The following ADGRL2 variants were observed in gnomAD, a reference collection of about 807,000 sequenced individuals.
ADGRL2 encodes calcium-independent alpha-latrotoxin receptor 2.
In ADGRL2, 44 loss-of-function variants were observed where a neutral mutation model predicts 157.4. The observed-to-expected ratio is 0.28, with a 90% CI of 0.22 to 0.36. ADGRL2 has a LOEUF of 0.36. Among genes scored for constraint, ADGRL2 ranks in the 10% least tolerant of loss-of-function variants. The pLI is 1.00. For synonymous variants in ADGRL2, 585 were observed against 624.7 expected, an observed-to-expected ratio of 0.94 and a Z score of 0.95; for missense variants, 1,510 against 1,768.9, an observed-to-expected ratio of 0.85 and a Z score of 2.63.
intron 2 of ADGRL2, among the ~76,000 whole-genome samples, chr1:81,501,330 G>A (rs1272346096): frequency 6.6e-6 from 1 of 152,178 alleles, no homozygotes; most frequent in Non-Finnish European, 1.5e-5. Context: ...CCCAACAACT[G>A]ATCGGTGTAC....
intron 2 of ADGRL2, among the ~76,000 whole-genome samples, chr1:81,784,486 G>A (rs2086945237): frequency 6.6e-6 from 1 of 152,172 alleles, no homozygotes; most frequent in African/African-American, 2.4e-5. Flanking sequence ...CCAGCACTTT[G>A]GGAGGCCAAG....
chr1:81,493,960 T>G (rs2078683143), intron 2 of ADGRL2, among the ~76,000 whole-genome samples: 1 of 152,078 alleles, frequency 6.6e-6, no homozygotes, highest in Admixed American at 6.6e-5. Context: ...AGAGGCAATG[T>G]GGGTGAGTAG....
At chr1:81,811,981 GAA>G (rs989552268) in intron 1 of ADGRL2, among the ~76,000 whole-genome samples, 4 of 151,538 alleles carry the variant, frequency 2.6e-5, no homozygotes, top group African/African-American at 9.7e-5. Flanking sequence ...GTGACTTTGT[GAA>G]AAGTTTGTGT....
intron 1 of ADGRL2, among the ~76,000 whole-genome samples, chr1:81,418,491 C>T (rs2077070110): frequency 6.6e-6 from 1 of 152,190 alleles, no homozygotes; most frequent in Non-Finnish European, 1.5e-5. Flanking sequence ...GTGGCTCACG[C>T]CTGTAATCCC....
chr1:81,616,052 C>T (rs571708067), intron 3 of ADGRL2, among the ~76,000 whole-genome samples: 1 of 150,850 alleles, frequency 6.6e-6, no homozygotes, highest in East Asian at 2.0e-4. Flanking sequence ...CACCCCCACC[C>T]AACATCAAGG....
chr1:81,705,759 T>A (rs2083712709), intron 1 of ADGRL2, among the ~76,000 whole-genome samples: 1 of 150,762 alleles, frequency 6.6e-6, no homozygotes, highest in Non-Finnish European at 1.5e-5. Context: ...TATAAAAAAT[T>A]TAAAAGGTTA....
At chr1:81,705,939 G>A (rs993923296) in intron 1 of ADGRL2, among the ~76,000 whole-genome samples, 1 of 151,220 alleles carries the variant, frequency 6.6e-6, no homozygotes, top group African/African-American at 2.4e-5. Flanking sequence ...GGCCAGGCGC[G>A]GTGGCTCATG....
intron 1 of ADGRL2, among the ~76,000 whole-genome samples, chr1:81,408,749 AC>A (rs2076898635): frequency 6.6e-6 from 1 of 152,230 alleles, no homozygotes; most frequent in Non-Finnish European, 1.5e-5. Context: ...AACAATGTAA[AC>A]TAAATATGAG....
intron 2 of ADGRL2, chr1:81,557,460 A>AAAGAAAGAAAG (rs1553123678): frequency 4.7e-4 from 31 of 65,266 alleles, no homozygotes; most frequent in South Asian, 2.1e-3. Context: ...AGAAAGAAAG[A>AAAGAAAGAAAG]AAGAAAGAAG....
At chr1:81,678,223 G>A (rs750633139) in intron 3 of ADGRL2, among the ~76,000 whole-genome samples, 2 of 152,150 alleles carry the variant, frequency 1.3e-5, no homozygotes, top group Non-Finnish European at 2.9e-5. Flanking sequence ...ATAGCATAGA[G>A]CCAAACATGT....
chr1:81,823,118 A>G (rs2091148053), intron 1 of ADGRL2, among the ~76,000 whole-genome samples: 1 of 151,660 alleles, frequency 6.6e-6, no homozygotes, highest in Non-Finnish European at 1.5e-5. Flanking sequence ...TCTCCGAGTT[A>G]GTTCCCAGTT....
At chr1:81,704,630 C>T (rs558652629) in intron 1 of ADGRL2, among the ~76,000 whole-genome samples, 137 of 152,342 alleles carry the variant, frequency 9.0e-4, no homozygotes, top group Non-Finnish European at 1.4e-3. Flanking sequence ...CTCTTCCCCA[C>T]CTTTCCCAGA....
At chr1:81,642,064 A>T (rs2082228076) in intron 3 of ADGRL2, among the ~76,000 whole-genome samples, 1 of 148,248 alleles carries the variant, frequency 6.7e-6, no homozygotes, top group Admixed American at 6.8e-5. Context: ...ACATGGCAAA[A>T]CCCTCTCTCT....
intron 1 of ADGRL2, among the ~76,000 whole-genome samples, chr1:81,804,604 A>G (rs966335567): frequency 9.2e-5 from 14 of 152,206 alleles, no homozygotes; most frequent in African/African-American, 2.9e-4. Flanking sequence ...AACATTGTCT[A>G]TTGCTGTGGA....
At chr1:81,965,144 G>T (rs528906611) in intron 11 of ADGRL2, among the ~76,000 whole-genome samples, 1 of 152,028 alleles carries the variant, frequency 6.6e-6, no homozygotes, top group South Asian at 2.1e-4. Context: ...TGTCAATTTC[G>T]ATACTTGGTT....
chr1:81,389,458 C>T (rs2076495584), intron 1 of ADGRL2, among the ~76,000 whole-genome samples: 1 of 152,010 alleles, frequency 6.6e-6, no homozygotes, highest in Non-Finnish European at 1.5e-5. Context: ...AGTATTTTTC[C>T]TAAATTTCAA....
Position 81,970,401 on chromosome 1 carries a change from C to A in ADGRL2, c.2821C>A (p.Leu941Ile), listed in dbSNP as rs1172622480. 6.4e-7 allele frequency: 1 copy of A among 1,571,882 alleles called. No individual in the cohort carries two copies. The change falls in exon 16 of 24, where the codon CTA (leucine) becomes ATA (isoleucine). Residue 941 changes from leucine (L) to isoleucine (I), a missense_variant. Around this residue, in one of 4 missense-constraint regions of ADGRL2, gnomAD observed 497 missense variants for 627.2 expected, o/e 0.79. Coordinates refer to ENST00000686636, the MANE Select transcript of ADGRL2 (RefSeq NM_001366006.2). ...WMCLEGVQLY[L>I]MLVEVFESEY... ...GTGCCTAGAAGGTGTGCAGCTCTAC[C>A]TAATGTTAGTTGAAGTTTTTGAAAG...
At chr1:81,832,050 C>G (rs192750446) in intron 1 of ADGRL2, among the ~76,000 whole-genome samples, 87 of 152,244 alleles carry the variant, frequency 5.7e-4, no homozygotes, top group Admixed American at 5.4e-3. Context: ...TCAGACAACA[C>G]AGAAGTTAGC....
chr1:81,635,842 C>G (rs1209458856), intron 3 of ADGRL2, among the ~76,000 whole-genome samples: 1 of 152,230 alleles, frequency 6.6e-6, no homozygotes, highest in South Asian at 2.1e-4. Context: ...CCCTTTGGTT[C>G]AAGTAGCTTC....
Sources: gnomAD v4.1 joint callset for allele counts (sites outside exome capture counted in the v4.1 genomes callset) on GRCh38, gnomAD v4.1.1 for gene constraint, gnomAD v4.1.1 regional missense constraint, MANE v1.5 for transcripts, NCBI Gene and HGNC (gene_info 2026-07-23, HGNC 2026-07-21) for gene names.